CCL26: variants seen among roughly 807,000 people sequenced by gnomAD.
CCL26 encodes the protein C-C motif chemokine ligand 26.
In CCL26, 10 loss-of-function variants were observed where a neutral mutation model predicts 10.7. That is an observed-to-expected ratio of 0.93 (90% CI 0.57 to 1.58). CCL26 has a LOEUF of 1.58. Ranked by LOEUF, CCL26 falls within the 40% of genes most tolerant of loss-of-function variation. The pLI is 0.00. For missense variants in CCL26, 116 were observed against 111.0 expected (o/e 1.05, Z -0.20); for synonymous variants, 43 against 41.4 (o/e 1.04, Z -0.15).
chr7:75,791,366 G>A (rs535483137), upstream of CCL26, among the ~76,000 whole-genome samples: 1 of 152,180 alleles, frequency 6.6e-6, no homozygotes, highest in South Asian at 2.1e-4. Flanking sequence ...CCCTCAGTCA[G>A]GACCTTGAGT....
upstream of CCL26, among the ~76,000 whole-genome samples, chr7:75,776,860 T>A (rs925598586): frequency 1.3e-5 from 2 of 152,090 alleles, no homozygotes; most frequent in Non-Finnish European, 2.9e-5. Context: ...TGGAAAACTA[T>A]TGGCAGTATT....
intron 1 of CCL26, among the ~76,000 whole-genome samples, chr7:75,779,603 T>A (rs566404191): frequency 6.6e-6 from 1 of 152,350 alleles, no homozygotes; most frequent in Admixed American, 6.5e-5. Context: ...GGAGATGCGT[T>A]TTATCCGTGG....
intron 2 of CCL26, 92 bp from the exon 3 acceptor site, chr7:75,769,881 T>G: frequency 1.3e-6 from 1 of 762,742 alleles, no homozygotes; most frequent in South Asian, 1.5e-5. Context: ...CTCTCACTAG[T>G]CTTCTGGCCT....
At chr7:75,769,832 G>T (rs1802784408) in intron 2 of CCL26, 43 bp from the exon 3 acceptor site, 3 of 1,229,154 alleles carry the variant, frequency 2.4e-6, no homozygotes, top group Non-Finnish European at 3.6e-6. Context: ...GAGACTCTTT[G>T]CCTCCTGGGG....
At chr7:75,779,921 A>G (rs1285747623) in intron 1 of CCL26, among the ~76,000 whole-genome samples, 3 of 151,014 alleles carry the variant, frequency 2.0e-5, no homozygotes, top group Non-Finnish European at 4.4e-5. Context: ...CTGGGGGGCA[A>G]GCACCCCCCT....
intron 1 of CCL26, among the ~76,000 whole-genome samples, chr7:75,781,601 G>A (rs1803065385): frequency 6.6e-6 from 1 of 152,140 alleles, no homozygotes; most frequent in Non-Finnish European, 1.5e-5. Context: ...GCATCCAGAT[G>A]GCCTGAAGTA....
intron 1 of CCL26, among the ~76,000 whole-genome samples, chr7:75,787,725 C>G (rs1803231844): frequency 7.2e-6 from 1 of 138,546 alleles, no homozygotes; most frequent in Non-Finnish European, 1.6e-5. Flanking sequence ...AATAAAAGGA[C>G]TCTGTCAAAA....
intron 1 of CCL26, among the ~76,000 whole-genome samples, chr7:75,781,089 C>G (rs1554529386): frequency 6.6e-6 from 1 of 152,216 alleles, no homozygotes; most frequent in Admixed American, 6.5e-5. Flanking sequence ...TCACAACAAC[C>G]CTTAGCGGCT....
chr7:75,779,138 C>T (rs1401053990), intron 1 of CCL26, among the ~76,000 whole-genome samples: 2 of 152,114 alleles, frequency 1.3e-5, no homozygotes, highest in African/African-American at 2.4e-5. Context: ...AGAGAACAAC[C>T]CCATTTGACT....
chr7:75,786,523 G>A (rs955622783), intron 1 of CCL26, among the ~76,000 whole-genome samples: 6 of 152,034 alleles, frequency 3.9e-5, no homozygotes, highest in South Asian at 4.2e-4. Flanking sequence ...TTCCTCCCTC[G>A]TAAGGGTCCT....
chr7:75,777,721 G>GAAAAATAAA (rs1802971409), intron 1 of CCL26, among the ~76,000 whole-genome samples: 1 of 60,540 alleles, frequency 1.7e-5, no homozygotes, highest in Admixed American at 2.8e-4. Context: ...TCCTGTCTCA[G>GAAAAATAAA]AAAAAAAAAA....
intron 1 of CCL26, among the ~76,000 whole-genome samples, chr7:75,784,376 ATCT>A (rs1395128331): frequency 6.6e-6 from 1 of 152,296 alleles, no homozygotes; most frequent in African/African-American, 2.4e-5. Context: ...TCCTTCCCAG[ATCT>A]TCTCGGCTTA....
At chr7:75,784,364 A>T (rs1400638532) in intron 1 of CCL26, among the ~76,000 whole-genome samples, 1 of 151,752 alleles carries the variant, frequency 6.6e-6, no homozygotes, top group Non-Finnish European at 1.5e-5. Flanking sequence ...TCTCTGACTG[A>T]CTCCTTCCCA....
intron 1 of CCL26, among the ~76,000 whole-genome samples, chr7:75,782,310 C>G (rs1803083054): frequency 6.6e-6 from 1 of 152,118 alleles, no homozygotes; most frequent in African/African-American, 2.4e-5. Context: ...TGCGGGGACG[C>G]CTCTCTGATT....
intron 1 of CCL26, among the ~76,000 whole-genome samples, chr7:75,787,397 A>C (rs1402011648): frequency 1.3e-5 from 2 of 151,934 alleles, no homozygotes; most frequent in African/African-American, 2.4e-5. Context: ...GTAATCCCAG[A>C]ACTTTGGGAG....
At chr7:75,775,669 A>G (rs1176201222), upstream of CCL26, among the ~76,000 whole-genome samples, 1 of 152,066 alleles carries the variant, frequency 6.6e-6, no homozygotes, top group Admixed American at 6.6e-5. Context: ...GATCAAACTG[A>G]GGGTTCTCTG....
At chr7:75,788,709 G>C (rs1416776514) in intron 1 of CCL26, among the ~76,000 whole-genome samples, 1 of 148,140 alleles carries the variant, frequency 6.8e-6, no homozygotes, top group Non-Finnish European at 1.5e-5. Context: ...CTGGGCGACA[G>C]AGCAAGACTC....
chr7:75,787,919 T>G (rs1803238243), intron 1 of CCL26, among the ~76,000 whole-genome samples: 1 of 152,058 alleles, frequency 6.6e-6, no homozygotes, highest in South Asian at 2.1e-4. Flanking sequence ...ATCCGGGCCT[T>G]CACCAATCGT....
At chr7:75,785,778 G>A (rs1163359796) in intron 1 of CCL26, among the ~76,000 whole-genome samples, 3 of 152,030 alleles carry the variant, frequency 2.0e-5, no homozygotes, top group Non-Finnish European at 4.4e-5. Context: ...TTTAGAGACT[G>A]CCCCCACTCT....
Sources: allele counts gnomAD v4.1 joint callset (sites outside exome capture counted in the v4.1 genomes callset), GRCh38; gene constraint gnomAD v4.1.1; transcripts MANE v1.5; gene names NCBI Gene and HGNC (gene_info 2026-07-23, HGNC 2026-07-21).